Variants in RFX3 observed in about 807,000 individuals in gnomAD.
RFX3 encodes the protein regulatory factor X3.
RFX3 carries 14 observed loss-of-function variants against 98.6 expected under a neutral mutation model. The observed-to-expected ratio is 0.14, with a 90% CI of 0.09 to 0.22. The LOEUF is 0.22. Ranked by LOEUF, RFX3 falls within the 10% of genes least tolerant of loss-of-function variation. The pLI, the probability that RFX3 is intolerant of heterozygous loss-of-function variation, is 1.00. For missense variants in RFX3, 639 were observed against 926.9 expected (o/e 0.69, Z 4.03); for synonymous variants, 383 against 328.4 (o/e 1.17, Z -1.80).
intron 2 of RFX3, among the ~76,000 whole-genome samples, chr9:3,354,791 TTAGGTAAGTTA>T (rs1030023917): frequency 6.6e-6 from 1 of 151,918 alleles, no homozygotes; most frequent in Non-Finnish European, 1.5e-5. Flanking sequence ...TAATAAATTT[TTAGGTAAGTTA>T]TAGGGATTTT....
chr9:3,386,361 T>G (rs953302720), intron 2 of RFX3, among the ~76,000 whole-genome samples: 1 of 152,100 alleles, frequency 6.6e-6, no homozygotes, highest in African/African-American at 2.4e-5. Context: ...TAAAGGCTTA[T>G]TATAATCAGG....
intron 1 of RFX3, among the ~76,000 whole-genome samples, chr9:3,505,460 A>AT (rs1816987149): frequency 7.0e-6 from 1 of 142,664 alleles, no homozygotes; most frequent in African/African-American, 2.5e-5. Context: ...TAAAATATAA[A>AT]ATAAAATATT....
chr9:3,502,626 C>T lies in RFX3; in HGVS notation c.-9+23121G>A, dbSNP rs145120875. On this transcript the variant is annotated intron_variant, in intron 1 of 16. Transcript: ENST00000617270. ...TATTCAATTCCAACTCTAAATCTAA[C>T]ATCAGACATATGACACTTCACAATT... 4.4e-3 allele frequency among the ~76,000 whole-genome samples: 663 copies of T among 152,286 alleles called. 3 individuals carry two copies. Among genetic ancestry groups the T allele is most frequent in the African/African-American group, 0.016 (646 of 41,554 alleles).
At chr9:3,374,026 C>T (rs1048170148) in intron 2 of RFX3, among the ~76,000 whole-genome samples, 10 of 151,948 alleles carry the variant, frequency 6.6e-5, no homozygotes, top group African/African-American at 2.4e-4. Context: ...TGCAGTGAGT[C>T]GAGATGGCAC....
intron 1 of RFX3, among the ~76,000 whole-genome samples, chr9:3,432,164 A>C (rs1844712158): frequency 6.6e-6 from 1 of 152,138 alleles, no homozygotes; most frequent in Non-Finnish European, 1.5e-5. Flanking sequence ...GAAGTCAAGA[A>C]GTACCTTGTA....
chr9:3,507,276 AAC>A (rs957779547), intron 1 of RFX3, among the ~76,000 whole-genome samples: 7 of 151,930 alleles, frequency 4.6e-5, no homozygotes, highest in Admixed American at 1.3e-4. Context: ...TAGGGTAGAA[AAC>A]ACATTCTAAT....
Position 3,225,247 on chromosome 9 carries a change from T to C in RFX3, c.2045A>G (p.Glu682Gly). Reference protein sequence around the residue: ...EGSEVESEMDEELDDSSEPQA... With the variant: ...EGSEVESEMDGELDDSSEPQA... ...AGGCTCTGAAGAGTCATCCAGTTCT[T>C]CATCCATTTCACTTTCTACTTCACT... Residue 682 changes from glutamate to glycine, a missense_variant, in exon 17 of 17, where the codon GAA (glutamate) becomes GGA (glycine). Around this residue, in one of 9 missense-constraint regions of RFX3, gnomAD observed 129 missense variants for 124.6 expected, o/e 1.04. Transcript: ENST00000617270. The C allele has an allele frequency of 6.2e-7, 1 of 1,613,822 alleles. No individual in the cohort carries two copies. The highest frequency in any genetic ancestry group is 8.5e-7 in the Non-Finnish European group (1 of 1,179,902).
At chr9:3,500,040 G>T (rs1030711065) in intron 1 of RFX3, among the ~76,000 whole-genome samples, 1 of 152,028 alleles carries the variant, frequency 6.6e-6, no homozygotes, top group African/African-American at 2.4e-5. Flanking sequence ...CACACTACAG[G>T]AAGCAGAGTA....
intron 8 of RFX3, 127 bp downstream of exon 8, chr9:3,277,213 T>C: frequency 1.2e-6 from 1 of 803,384 alleles, no homozygotes. Flanking sequence ...ACATATGATG[T>C]GCATAATTTT....
intron 6 of RFX3, among the ~76,000 whole-genome samples, chr9:3,289,934 T>C (rs192009517): frequency 2.4e-4 from 36 of 152,172 alleles, no homozygotes; most frequent in African/African-American, 7.2e-4. Flanking sequence ...CTACATATAG[T>C]TCATTTTAAA....
chr9:3,515,540 G>T (rs574722690), intron 1 of RFX3, among the ~76,000 whole-genome samples: 7 of 152,064 alleles, frequency 4.6e-5, no homozygotes, highest in Non-Finnish European at 8.8e-5. Flanking sequence ...ATTAACTGGG[G>T]AAAATATGTA....
At chr9:3,238,891 G>A (rs571141009) in intron 15 of RFX3, among the ~76,000 whole-genome samples, 57 of 151,808 alleles carry the variant, frequency 3.8e-4, no homozygotes, top group Admixed American at 2.3e-3. Flanking sequence ...TACTCGGGAG[G>A]CTGAGGCAGG....
intron 1 of RFX3, among the ~76,000 whole-genome samples, chr9:3,469,978 G>A (rs539071573): frequency 1.3e-5 from 2 of 152,140 alleles, no homozygotes; most frequent in East Asian, 1.9e-4. Flanking sequence ...AATATTCAAG[G>A]ATCACTATTG....
intron 4 of RFX3, among the ~76,000 whole-genome samples, chr9:3,314,445 T>C (rs901070363): frequency 1.3e-5 from 2 of 152,154 alleles, no homozygotes; most frequent in African/African-American, 2.4e-5. Flanking sequence ...CCATCGATGC[T>C]AGGAAGAAAC....
chr9:3,504,965 AATATATATT>A (rs1564186110), intron 1 of RFX3, among the ~76,000 whole-genome samples: 1 of 78,058 alleles, frequency 1.3e-5, no homozygotes, highest in African/African-American at 5.4e-5. Flanking sequence ...TATTATATAT[AATATATATT>A]ATATAATATA....
intron 1 of RFX3, among the ~76,000 whole-genome samples, chr9:3,430,981 C>T (rs986964814): frequency 1.3e-5 from 2 of 152,228 alleles, no homozygotes; most frequent in South Asian, 4.2e-4. Flanking sequence ...AGAATGCACA[C>T]GGTACCATTT....
intron 15 of RFX3, among the ~76,000 whole-genome samples, chr9:3,239,185 G>C (rs1035130334): frequency 2.0e-5 from 3 of 152,110 alleles, no homozygotes; most frequent in Admixed American, 6.5e-5. Flanking sequence ...TCTGCATTTA[G>C]CACTGATACA....
Position 3,369,577 on chromosome 9 carries a change from AAAGT to A in RFX3, c.118-22817_118-22814del, listed in dbSNP as rs571359744. On this transcript the variant is annotated intron_variant, in intron 2 of 16. Transcript: ENST00000617270. ...ACCCATATGCTATTTTACAAGAATA[AAAGT>A]AATTGAAATGGTAGAAATTAAAATT... Among the ~76,000 whole-genome samples, 39 of 152,316 alleles carry A rather than the reference AAAGT, an allele frequency of 2.6e-4. No homozygotes were observed. The South Asian group carries it at 5.8e-3, about 23-fold the overall frequency.
At chr9:3,511,264 A>G (rs555648850) in intron 1 of RFX3, among the ~76,000 whole-genome samples, 1 of 152,192 alleles carries the variant, frequency 6.6e-6, no homozygotes, top group South Asian at 2.1e-4. Flanking sequence ...GTTGTTTATT[A>G]AAATGCCATT....
Sources: gnomAD v4.1 joint callset for allele counts (sites outside exome capture counted in the v4.1 genomes callset) on GRCh38, gnomAD v4.1.1 for gene constraint, gnomAD v4.1.1 regional missense constraint, MANE v1.5 for transcripts, NCBI Gene and HGNC (gene_info 2026-07-23, HGNC 2026-07-21) for gene names.